The following PVT1 variants were observed in gnomAD, a reference collection of about 807,000 sequenced individuals.
PVT1 encodes Pvt1 oncogene.
chr8:127,867,362 C>T (rs757679086), intron 2 of PVT1, among the ~76,000 whole-genome samples: 65 of 152,240 alleles, frequency 4.3e-4, no homozygotes, highest in Admixed American at 1.9e-3. Flanking sequence ...TTTACTCCTC[C>T]GCAGTTAGAG....
intron 2 of PVT1, among the ~76,000 whole-genome samples, chr8:127,880,001 A>G (rs1035263372): frequency 4.6e-5 from 7 of 152,258 alleles, no homozygotes; most frequent in East Asian, 1.9e-4. Context: ...ATTATTTCCA[A>G]GGTTTCTTGT....
chr8:127,975,007 T>C (rs899213607), intron 3 of PVT1, among the ~76,000 whole-genome samples: 12 of 152,224 alleles, frequency 7.9e-5, no homozygotes, highest in Non-Finnish European at 2.9e-5. Context: ...CAAATGATCA[T>C]TTTTAGAGAG....
At chr8:128,021,652 G>C (rs1817440638) in intron 4 of PVT1, among the ~76,000 whole-genome samples, 1 of 152,166 alleles carries the variant, frequency 6.6e-6, no homozygotes, top group East Asian at 1.9e-4. Context: ...TGCTGTTGCA[G>C]GGTGAGTGTG....
intron 2 of PVT1, among the ~76,000 whole-genome samples, chr8:127,844,290 C>T (rs1051836485): frequency 2.0e-5 from 3 of 152,226 alleles, no homozygotes; most frequent in East Asian, 1.9e-4. Flanking sequence ...TGAGAAAAGC[C>T]GCCCAGTCCT....
At chr8:127,915,612 CAAAAAAA>C (rs61238663) in intron 3 of PVT1, among the ~76,000 whole-genome samples, 2 of 64,506 alleles carry the variant, frequency 3.1e-5, no homozygotes, top group Non-Finnish European at 6.2e-5. Context: ...AACTCCATCT[CAAAAAAA>C]AAAAAAAAAA....
At chr8:127,917,891 G>A (rs914221910) in intron 3 of PVT1, among the ~76,000 whole-genome samples, 16 of 152,262 alleles carry the variant, frequency 1.1e-4, no homozygotes, top group African/African-American at 3.6e-4. Flanking sequence ...GTGAGGCAGC[G>A]CCGTGATTCT....
intron 2 of PVT1, among the ~76,000 whole-genome samples, chr8:127,867,987 T>A (rs773430501): frequency 1.3e-5 from 2 of 152,256 alleles, no homozygotes; most frequent in Non-Finnish European, 2.9e-5. Flanking sequence ...CTCCTTCCTC[T>A]GTGATCCCTC....
chr8:128,070,910 C>T (rs1272495976), intron 5 of PVT1, among the ~76,000 whole-genome samples: 1 of 152,208 alleles, frequency 6.6e-6, no homozygotes, highest in Non-Finnish European at 1.5e-5. Flanking sequence ...AGACCAGTGG[C>T]TGATCAGTAA....
intron 5 of PVT1, among the ~76,000 whole-genome samples, chr8:128,095,307 G>A (rs1814413649): frequency 6.6e-6 from 1 of 152,178 alleles, no homozygotes; most frequent in South Asian, 2.1e-4. Flanking sequence ...AGGGTGGGGT[G>A]TTGGCAGGGT....
intron 3 of PVT1, among the ~76,000 whole-genome samples, chr8:127,949,833 C>T (rs760406087): frequency 1.2e-4 from 18 of 152,228 alleles, no homozygotes; most frequent in Non-Finnish European, 2.5e-4. Flanking sequence ...TTACCCAGAC[C>T]TTACGGTAAA....
chr8:128,034,407 T>C (rs1330855430), intron 4 of PVT1, among the ~76,000 whole-genome samples: 3 of 152,090 alleles, frequency 2.0e-5, no homozygotes, highest in African/African-American at 7.2e-5. Flanking sequence ...CTGGGTGGAG[T>C]TGCTGACTTT....
chr8:127,884,206 C>T (rs1308775988), intron 2 of PVT1, among the ~76,000 whole-genome samples: 1 of 152,210 alleles, frequency 6.6e-6, no homozygotes. Context: ...TTAGTTTAAC[C>T]TGTTTATGTA....
intron 4 of PVT1, among the ~76,000 whole-genome samples, chr8:128,041,413 GTTTGTGCTCGTGTGTT>G (rs1813538117): frequency 2.7e-5 from 4 of 150,370 alleles, no homozygotes; most frequent in South Asian, 2.1e-4. Flanking sequence ...GTGCATGTGT[GTTTGTGCTCGTGTGTT>G]TGTGTGCATG....
At chr8:128,046,278 A>T (rs1349425309) in intron 4 of PVT1, among the ~76,000 whole-genome samples, 3 of 152,140 alleles carry the variant, frequency 2.0e-5, no homozygotes, top group Admixed American at 6.6e-5. Context: ...TACTTATATT[A>T]ACTCATCCAG....
intron 2 of PVT1, among the ~76,000 whole-genome samples, chr8:127,856,991 C>T (rs990564826): frequency 7.3e-5 from 11 of 151,648 alleles, no homozygotes; most frequent in South Asian, 2.1e-4. Context: ...TTTGGGAGGC[C>T]GAGGCAGGTG....
intron 2 of PVT1, among the ~76,000 whole-genome samples, chr8:127,825,540 G>A (rs1814777649): frequency 6.6e-6 from 1 of 152,102 alleles, no homozygotes; most frequent in Admixed American, 6.6e-5. Context: ...GCTTTGAAGG[G>A]GCACAGCTTT....
rs78983784 is a variant in PVT1, at chr8:127,971,365, C to T, written n.783-17797C>T. ...TCCCCTGCTGGGCCTCTGCAGGAGACGGTCCAGGCCCACACTGCTTAGAGA... is the reference window on the plus strand; with the variant it reads ...TCCCCTGCTGGGCCTCTGCAGGAGATGGTCCAGGCCCACACTGCTTAGAGA... On this transcript the variant is annotated intron_variant and non_coding_transcript_variant, in intron 3 of 10. Transcript: ENST00000651587. Among the ~76,000 whole-genome samples the T allele has an allele frequency of 3.6e-3, 552 of 152,324 alleles. 5 individuals are homozygous for T. The highest frequency in any genetic ancestry group is 0.013 in the African/African-American group (524 of 41,586).
chr8:128,027,155 G>C (rs534505393), intron 4 of PVT1, among the ~76,000 whole-genome samples: 3 of 152,270 alleles, frequency 2.0e-5, no homozygotes, highest in Admixed American at 6.5e-5. Context: ...TTGAAGTTGA[G>C]GAAAAAGCCA....
At chr8:127,958,785 C>T (rs1169496682) in intron 3 of PVT1, among the ~76,000 whole-genome samples, 1 of 152,146 alleles carries the variant, frequency 6.6e-6, no homozygotes, top group Non-Finnish European at 1.5e-5. Flanking sequence ...TTTCCAACAT[C>T]TGGTTGTACG....
Sources: allele counts gnomAD v4.1 joint callset (sites outside exome capture counted in the v4.1 genomes callset), GRCh38; gene constraint gnomAD v4.1.1; transcripts MANE v1.5; gene names NCBI Gene and HGNC (gene_info 2026-07-23, HGNC 2026-07-21).